The following UGT1A4 variants were observed in gnomAD, a reference collection of about 807,000 sequenced individuals.
UGT1A4 encodes UDP-glucuronosyltransferase 1A4.
Under a neutral mutation model 41.1 loss-of-function variants are expected in UGT1A4, and 32 were observed. The observed-to-expected ratio is 0.78, with a 90% CI of 0.59 to 1.05. The LOEUF is 1.05. UGT1A4 is among the 50% of genes least tolerant of loss of function. The pLI is 0.00. For missense variants in UGT1A4, 748 were observed against 677.4 expected (o/e 1.10, Z -1.16); for synonymous variants, 283 against 265.1 (o/e 1.07, Z -0.66).
chr2:233,738,062 G>A lies in UGT1A4; in HGVS notation c.867+18375G>A, dbSNP rs1045762384. ...GTGTTGAGGACAGGACATGGTGGGA[G>A]GTCCCCACCTCCTAATCTCATCATA... On this transcript the variant is annotated intron_variant, in intron 1 of 4. Coordinates refer to ENST00000373409, the MANE Select transcript of UGT1A4 (RefSeq NM_007120.3). 4.6e-5 allele frequency among the ~76,000 whole-genome samples: 7 copies of A among 152,180 alleles called. 1 individual carries two copies. The highest frequency in any genetic ancestry group is 4.2e-4 in the South Asian group (2 of 4,808).
At chr2:233,733,842 C>T (rs543682196) in intron 1 of UGT1A4, among the ~76,000 whole-genome samples, 2 of 152,138 alleles carry the variant, frequency 1.3e-5, no homozygotes, top group South Asian at 4.2e-4. Context: ...GGAGGATTCC[C>T]TCTTTTTCTA....
intron 1 of UGT1A4, among the ~76,000 whole-genome samples, chr2:233,765,711 TTAATAA>T (rs10664358): frequency 2.7e-5 from 4 of 149,240 alleles, no homozygotes; most frequent in African/African-American, 7.4e-5. Context: ...ATAATAATAA[TTAATAA>T]TAATAATAAT....
At chr2:233,720,869 C>A (rs944438074) in intron 1 of UGT1A4, among the ~76,000 whole-genome samples, 12 of 119,508 alleles carry the variant, frequency 1.0e-4, no homozygotes, top group African/African-American at 3.8e-4. Flanking sequence ...CTGCTCCTGG[C>A]AATTTTTTTT....
intron 1 of UGT1A4, among the ~76,000 whole-genome samples, chr2:233,759,307 A>C (rs936926400): frequency 6.6e-6 from 1 of 152,192 alleles, no homozygotes; most frequent in Non-Finnish European, 1.5e-5. Context: ...TGAGTGGCTG[A>C]GGTGGGTGAG....
rs2076712017 is a variant in UGT1A4, at chr2:233,718,997, G to T, written c.177G>T (p.Val59=). Residue 59 remains valine (V), a synonymous_variant, in exon 1 of 5, where the codon GTG becomes GTT. Coordinates refer to ENST00000373409, the MANE Select transcript of UGT1A4 (RefSeq NM_007120.3). ...TCCATGCCAGAGGCCACCAGGCGGT[G>T]GTCCTCACCCCAGAGGTGAATATGC... is the stretch of plus-strand genomic sequence containing the variant. ...RELHARGHQA[V]VLTPEVNMHI... 6.2e-7 allele frequency: 1 copy of T among 1,614,222 alleles called. No individual in the cohort carries two copies. Among genetic ancestry groups the T allele is most frequent in the Non-Finnish European group, 8.5e-7 (1 of 1,180,032 alleles).
chr2:233,758,550 C>T (rs537826054), intron 1 of UGT1A4, among the ~76,000 whole-genome samples: 173 of 152,196 alleles, frequency 1.1e-3, no homozygotes, highest in African/African-American at 3.9e-3. Flanking sequence ...TTCTGCTTGC[C>T]CAGAATCTTG....
At chr2:233,748,449 C>G (rs756497529) in intron 1 of UGT1A4, among the ~76,000 whole-genome samples, 2 of 151,714 alleles carry the variant, frequency 1.3e-5, no homozygotes, top group Non-Finnish European at 2.9e-5. Context: ...GCACAATTTT[C>G]AGGGGAAAGA....
chr2:233,755,056 T>C (rs550232994), intron 1 of UGT1A4: 129 of 1,333,538 alleles, frequency 9.7e-5, no homozygotes, highest in African/African-American at 8.9e-4. Flanking sequence ...CCCTCCGCCC[T>C]CGCCTCGCCA....
Position 233,769,482 on chromosome 2 carries a change from T to A in UGT1A4, c.1307+1043T>A. On this transcript the variant is annotated intron_variant, in intron 4 of 4. Coordinates refer to ENST00000373409, the MANE Select transcript of UGT1A4 (RefSeq NM_007120.3). The surrounding 1 kb of genome is among the most constrained non-coding windows in gnomAD (Gnocchi z 4.4). Reference sequence around the variant, plus strand: ...TCATATGCGTGTGTGTGTGTGTGCGTGTGTTTATGAGAGTGTCCATTGCTT... The same window carrying A: ...TCATATGCGTGTGTGTGTGTGTGCGAGTGTTTATGAGAGTGTCCATTGCTT... The A allele has an allele frequency of 6.2e-7, 1 of 1,611,750 alleles. No homozygotes were observed.
At chr2:233,760,288 A>T (rs1697385056) in intron 1 of UGT1A4, 1 of 1,613,272 alleles carries the variant, frequency 6.2e-7, no homozygotes, top group East Asian at 2.2e-5. Flanking sequence ...CAAAGGCGCC[A>T]TGGCTGTGGA....
rs1697701353 is a variant in UGT1A4, at chr2:233,761,179, G to A, written c.868-5855G>A. ...GTGTATTGGAGTGGGACTTTTACAT[G>A]CGTATATTCTTTCAGATGTATTACT... On this transcript the variant is annotated intron_variant, in intron 1 of 4. Transcript: ENST00000373409. 3 of 1,614,024 alleles carry A rather than the reference G, an allele frequency of 1.9e-6. No individual in the cohort carries two copies. In the South Asian group the frequency reaches 3.3e-5, roughly 18 times the overall value.
chr2:233,737,914 TA>T (rs1690631696), intron 1 of UGT1A4, among the ~76,000 whole-genome samples: 4 of 152,128 alleles, frequency 2.6e-5, no homozygotes, highest in African/African-American at 4.8e-5. Flanking sequence ...AAGAACAGGC[TA>T]GTGTATTTAG....
chr2:233,757,535 AATATATATATATAT>A (rs67292694), intron 1 of UGT1A4, among the ~76,000 whole-genome samples: 1 of 88,312 alleles, frequency 1.1e-5, no homozygotes, highest in South Asian at 5.2e-4. Flanking sequence ...GCCTGTAAGG[AATATATATATATAT>A]ATATATATAT....
In UGT1A4 at chr2:233,718,953, C is replaced by T. The variant is rs369434904; in HGVS notation, c.133C>T (p.Arg45Trp). Reference sequence around the variant, plus strand: ...TGATGGCAGCCCCTGGCTCAGCATGCGGGAGGCCTTGCGGGAGCTCCATGC... The same window carrying T: ...TGATGGCAGCCCCTGGCTCAGCATGTGGGAGGCCTTGCGGGAGCTCCATGC... ...PTDGSPWLSM[R>W]EALRELHARG... Residue 45 changes from arginine to tryptophan, a missense_variant, in exon 1 of 5, where the codon CGG becomes TGG. Arg to Trp is a moderately radical substitution (Grantham distance 101). Transcript: ENST00000373409. The T allele has an allele frequency of 1.1e-4, 171 of 1,614,048 alleles. No homozygotes were observed. The highest frequency in any genetic ancestry group is 1.0e-3 in the South Asian group (93 of 91,078).
At chr2:233,747,383 G>A (rs979148855) in intron 1 of UGT1A4, 12 of 1,605,438 alleles carry the variant, frequency 7.5e-6, no homozygotes, top group Admixed American at 3.3e-5. Flanking sequence ...GAGGCCACCA[G>A]GCGGTGGTCC....
intron 1 of UGT1A4, chr2:233,743,986 G>A (rs1692630126): frequency 1.6e-6 from 2 of 1,282,376 alleles, no homozygotes; most frequent in South Asian, 2.6e-5. Context: ...CCCAGGCGCA[G>A]GCCCGAGTGC....
At position 233,743,134 on chromosome 2, in the gene UGT1A4, TA is replaced by T. The variant is rs919324462; in HGVS notation, c.867+23454del. 39 of 357,156 alleles carry T rather than the reference TA, an allele frequency of 1.1e-4. 1 individual carries two copies. The highest frequency in any genetic ancestry group is 8.0e-4 in the African/African-American group (37 of 46,406). 22.1% of individuals were successfully genotyped at this position (357,156 alleles called of 1,614,324 possible). Reference sequence around the variant, plus strand: ...TGAAAGTAAAGTTCACTTTCAATCCTAAAAAAAGTCCGCTATTCCTCCAGAT... The same window carrying T: ...TGAAAGTAAAGTTCACTTTCAATCCTAAAAAAGTCCGCTATTCCTCCAGAT... On this transcript the variant is annotated intron_variant, in intron 1 of 4. Coordinates refer to ENST00000373409, the MANE Select transcript of UGT1A4 (RefSeq NM_007120.3).
At chr2:233,767,784 A>T in intron 2 of UGT1A4, 65 bp from the exon 3 acceptor site, 1 of 1,613,694 alleles carries the variant, frequency 6.2e-7, no homozygotes. Context: ...TAGTTAGTAT[A>T]GCAGATTTGT....
At chr2:233,721,929 C>A in intron 1 of UGT1A4, 1 of 379,728 alleles carries the variant, frequency 2.6e-6, no homozygotes, top group East Asian at 7.5e-5. Context: ...AAAGTGACAT[C>A]CTTCAGACAC....
Sources: allele counts gnomAD v4.1 joint callset (sites outside exome capture counted in the v4.1 genomes callset), GRCh38; gene constraint gnomAD v4.1.1; non-coding constraint Gnocchi (gnomAD v3.1); transcripts MANE v1.5; gene names NCBI Gene and HGNC (gene_info 2026-07-23, HGNC 2026-07-21).